The following MAD1L1 variants were observed in gnomAD, a reference collection of about 807,000 sequenced individuals.
MAD1L1 encodes mitotic arrest deficient 1 like 1.
In MAD1L1, 95 loss-of-function variants were observed where a neutral mutation model predicts 96.9. That is an observed-to-expected ratio of 0.98 (90% CI 0.83 to 1.16). MAD1L1 has a LOEUF of 1.16. Ranked by LOEUF, MAD1L1 falls within the 50% of genes most tolerant of loss-of-function variation. The pLI, the probability that MAD1L1 is intolerant of heterozygous loss-of-function variation, is 0.00. For missense variants in MAD1L1, 1,007 were observed against 954.4 expected (o/e 1.06, Z -0.73); for synonymous variants, 473 against 396.6 (o/e 1.19, Z -2.29).
chr7:2,106,720 C>T (rs1044990346), intron 11 of MAD1L1, among the ~76,000 whole-genome samples: 1 of 152,222 alleles, frequency 6.6e-6, no homozygotes, highest in Non-Finnish European at 1.5e-5. Flanking sequence ...GGCTGTAGGG[C>T]CTCCACGAAA....
intron 18 of MAD1L1, among the ~76,000 whole-genome samples, chr7:1,871,209 G>A (rs1462408559): frequency 1.1e-4 from 13 of 116,880 alleles, no homozygotes; most frequent in Middle Eastern, 7.9e-3. Context: ...TGAACCCACC[G>A]TAACACCTGC....
intron 12 of MAD1L1, among the ~76,000 whole-genome samples, chr7:2,028,403 C>T (rs960297118): frequency 8.3e-5 from 11 of 132,764 alleles, no homozygotes; most frequent in South Asian, 2.4e-4. Context: ...CCAGCCTGGG[C>T]GACAGAGCAA....
intron 18 of MAD1L1, among the ~76,000 whole-genome samples, chr7:1,893,809 T>C (rs568758762): frequency 6.4e-4 from 97 of 152,310 alleles, no homozygotes; most frequent in Non-Finnish European, 1.2e-3. Flanking sequence ...GGTCAGGAGC[T>C]GCCCGGGACA....
chr7:1,877,628 G>A (rs1208169955), intron 18 of MAD1L1, among the ~76,000 whole-genome samples: 5 of 152,102 alleles, frequency 3.3e-5, no homozygotes, highest in Admixed American at 6.5e-5. Context: ...TCAATTAGAT[G>A]TTATCTTCAA....
chr7:2,155,775 A>G (rs1296724231), intron 10 of MAD1L1, among the ~76,000 whole-genome samples: 2 of 152,206 alleles, frequency 1.3e-5, no homozygotes, highest in East Asian at 3.8e-4. Flanking sequence ...GGGTGTGCCA[A>G]TGCCTGTTCC....
intron 11 of MAD1L1, among the ~76,000 whole-genome samples, chr7:2,090,367 C>T (rs1271472060): frequency 1.3e-5 from 2 of 152,038 alleles, no homozygotes; most frequent in Non-Finnish European, 1.5e-5. Flanking sequence ...ATGATCCTTA[C>T]CTCAGGGGTT....
chr7:1,906,439 T>C (rs1049738448), intron 17 of MAD1L1, among the ~76,000 whole-genome samples: 1 of 152,210 alleles, frequency 6.6e-6, no homozygotes, highest in Admixed American at 6.5e-5. Flanking sequence ...TAGCCTGACC[T>C]GGTCCCAGCC....
rs1019120776 is a variant in MAD1L1 at position 1,968,345 on chromosome 7, C to A, written c.1506-10626G>T. 1.3e-5 allele frequency among the ~76,000 whole-genome samples: 2 copies of A among 150,676 alleles called. No homozygotes were observed. Among genetic ancestry groups the A allele is most frequent in the Non-Finnish European group, 3.0e-5 (2 of 67,730 alleles). On this transcript the variant is annotated intron_variant, in intron 15 of 18. Coordinates refer to ENST00000265854, the MANE Select transcript of MAD1L1 (RefSeq NM_001013836.2). This position sits in a 1 kb window ranked among gnomAD's most constrained non-coding sequence, Gnocchi z 5.6. The stretch of plus-strand genomic sequence containing the variant: ...GTCTGGTGGTCAGGTCAACCGTCCA[C>A]ACCTCAGTCCAGTGGTCAGGTCCAC...
chr7:2,137,525 C>A (rs1788812111), intron 11 of MAD1L1, among the ~76,000 whole-genome samples: 1 of 152,228 alleles, frequency 6.6e-6, no homozygotes, highest in African/African-American at 2.4e-5. Context: ...TCCTTCCCTT[C>A]TGCACCTTGC....
intron 11 of MAD1L1, among the ~76,000 whole-genome samples, chr7:2,072,940 C>T (rs946021902): frequency 1.1e-4 from 17 of 152,250 alleles, no homozygotes; most frequent in African/African-American, 4.1e-4. Flanking sequence ...GTGAGTAACG[C>T]ACACCCACAG....
chr7:1,835,776 G>A (rs573499124), intron 18 of MAD1L1, among the ~76,000 whole-genome samples: 10 of 152,270 alleles, frequency 6.6e-5, no homozygotes, highest in African/African-American at 1.7e-4. Flanking sequence ...TGGGCTGCTC[G>A]ACTAACACTT....
chr7:2,131,183 C>T (rs897787463), intron 11 of MAD1L1, among the ~76,000 whole-genome samples: 4 of 152,296 alleles, frequency 2.6e-5, no homozygotes, highest in Middle Eastern at 3.4e-3. Flanking sequence ...GGCCCCAGAG[C>T]GGACCCTGCA....
At chr7:2,137,747 A>G (rs1788823176) in intron 11 of MAD1L1, among the ~76,000 whole-genome samples, 1 of 151,960 alleles carries the variant, frequency 6.6e-6, no homozygotes, top group African/African-American at 2.4e-5. Flanking sequence ...CAGATCCACA[A>G]CCGGAACAGA....
At chr7:1,854,523 G>A (rs924481803) in intron 18 of MAD1L1, 21 of 372,212 alleles carry the variant, frequency 5.6e-5, no homozygotes, top group African/African-American at 3.6e-4. Context: ...CACGGGGGAA[G>A]GGGCGGGGGG....
chr7:1,821,592 A>C (rs1437496239), intron 18 of MAD1L1, among the ~76,000 whole-genome samples: 3 of 152,180 alleles, frequency 2.0e-5, no homozygotes, highest in Admixed American at 1.3e-4. Context: ...ACCCTGACCA[A>C]GTGGGATTCA....
chr7:1,869,197 G>A (rs978730619), intron 18 of MAD1L1, among the ~76,000 whole-genome samples: 2 of 152,122 alleles, frequency 1.3e-5, no homozygotes, highest in African/African-American at 2.4e-5. Flanking sequence ...AGGCACACAC[G>A]CTGCTGTGGG....
intron 14 of MAD1L1, among the ~76,000 whole-genome samples, chr7:1,996,993 C>T (rs527311672): frequency 2.0e-5 from 3 of 152,308 alleles, no homozygotes; most frequent in South Asian, 2.1e-4. Context: ...CCAGCCACTG[C>T]GGGCCTAGCT....
At chr7:2,096,116 G>A (rs1786477133) in intron 11 of MAD1L1, among the ~76,000 whole-genome samples, 1 of 152,104 alleles carries the variant, frequency 6.6e-6, no homozygotes, top group Admixed American at 6.5e-5. Flanking sequence ...TCTGGGTAAG[G>A]CCATCAGAGC....
chr7:2,036,767 C>A (rs998232892), intron 12 of MAD1L1, among the ~76,000 whole-genome samples: 1 of 152,126 alleles, frequency 6.6e-6, no homozygotes, highest in Non-Finnish European at 1.5e-5. Flanking sequence ...GACTCAACAG[C>A]CCTGGCAGTA....
Sources: gnomAD v4.1 joint callset for allele counts (sites outside exome capture counted in the v4.1 genomes callset) on GRCh38, gnomAD v4.1.1 for gene constraint, Gnocchi (gnomAD v3.1) non-coding constraint, MANE v1.5 for transcripts, NCBI Gene and HGNC (gene_info 2026-07-23, HGNC 2026-07-21) for gene names.